Variants in RDX observed in about 807,000 individuals in gnomAD.
RDX encodes the protein radixin.
Under a neutral mutation model 83.7 loss-of-function variants are expected in RDX, and 32 were observed. The ratio of observed to expected loss-of-function variants is 0.38; its 90% CI spans 0.29 to 0.51. The LOEUF (loss-of-function observed/expected upper bound fraction) is 0.51, where lower values mean the gene tolerates loss of function less well. RDX is among the 20% of genes least tolerant of loss of function. The pLI is 0.87. For missense variants in RDX, 600 were observed against 689.9 expected (o/e 0.87, Z 1.46); for synonymous variants, 229 against 222.7 (o/e 1.03, Z -0.25).
intron 15 of RDX, among the ~76,000 whole-genome samples, chr11:110,187,577 G>C (rs1863011996): frequency 6.6e-6 from 1 of 152,184 alleles, no homozygotes; most frequent in African/African-American, 2.4e-5. Context: ...CCCACTCCCT[G>C]TGCAGAGAAC....
intron 10 of RDX, among the ~76,000 whole-genome samples, chr11:110,240,425 T>A (rs1005765208): frequency 6.6e-6 from 1 of 152,138 alleles, no homozygotes; most frequent in Admixed American, 6.6e-5. Flanking sequence ...AATGTATTTA[T>A]TACTACTGAA....
At chr11:110,221,283 T>C (rs1160876519) in intron 14 of RDX, among the ~76,000 whole-genome samples, 1 of 152,044 alleles carries the variant, frequency 6.6e-6, no homozygotes, top group Non-Finnish European at 1.5e-5. Flanking sequence ...AAAATACTTG[T>C]GGTGCAAGAA....
intron 10 of RDX, 39 bp downstream of exon 10, chr11:110,247,664 T>C (rs1447777166): frequency 1.3e-6 from 2 of 1,598,756 alleles, no homozygotes; most frequent in Non-Finnish European, 1.7e-6. Context: ...AACAGAGCAA[T>C]AATAATTTTT....
intron 14 of RDX, among the ~76,000 whole-genome samples, chr11:110,199,953 C>A (rs1265979732): frequency 6.6e-6 from 1 of 152,124 alleles, no homozygotes; most frequent in African/African-American, 2.4e-5. Flanking sequence ...AATAGTGCAG[C>A]AACTCTACAC....
At chr11:110,281,995 A>ATG (rs888011584) in intron 1 of RDX, among the ~76,000 whole-genome samples, 1 of 149,848 alleles carries the variant, frequency 6.7e-6, no homozygotes, top group Admixed American at 6.7e-5. Flanking sequence ...AGGCATGGTG[A>ATG]TGGAAGGAAT....
intron 14 of RDX, among the ~76,000 whole-genome samples, chr11:110,212,129 G>A (rs1210470683): frequency 7.2e-4 from 105 of 145,908 alleles, no homozygotes; most frequent in Admixed American, 1.8e-3. Flanking sequence ...TCAAATAGAC[G>A]CAATAAAAAA....
intron 1 of RDX, among the ~76,000 whole-genome samples, chr11:110,281,467 C>T (rs1169571319): frequency 6.6e-6 from 1 of 152,034 alleles, no homozygotes; most frequent in East Asian, 1.9e-4. Flanking sequence ...GCTGGAATTA[C>T]AAGCGTCCAC....
chr11:110,293,441 A>C (rs1861323521), intron 1 of RDX, among the ~76,000 whole-genome samples: 1 of 152,164 alleles, frequency 6.6e-6, no homozygotes, highest in African/African-American at 2.4e-5. Flanking sequence ...CCAGGAACTT[A>C]AAGTAGGAAA....
At chr11:110,188,607 A>G (rs2134224279) in intron 15 of RDX, among the ~76,000 whole-genome samples, 1 of 152,248 alleles carries the variant, frequency 6.6e-6, no homozygotes, top group African/African-American at 2.4e-5. Context: ...AATCACCACT[A>G]AAGAACTTAT....
intron 2 of RDX, among the ~76,000 whole-genome samples, chr11:110,275,750 A>AG (rs1860487353): frequency 7.3e-6 from 1 of 136,658 alleles, no homozygotes; most frequent in African/African-American, 2.7e-5. Context: ...ATTTATAAAT[A>AG]TTTTACACAC....
At chr11:110,255,265 C>T (rs758670617) in intron 8 of RDX, 24 bp downstream of exon 8, 23 of 1,238,052 alleles carry the variant, frequency 1.9e-5, no homozygotes, top group South Asian at 8.5e-5. Context: ...AGTTAATACA[C>T]AAAATATTAA....
chr11:110,260,927 T>A (rs1487884114), intron 5 of RDX, among the ~76,000 whole-genome samples: 1 of 152,188 alleles, frequency 6.6e-6, no homozygotes, highest in East Asian at 1.9e-4. Context: ...TGCTGTGTTA[T>A]TTTTTTCACA....
At chr11:110,198,415 C>T (rs980078519) in intron 15 of RDX, among the ~76,000 whole-genome samples, 1 of 152,178 alleles carries the variant, frequency 6.6e-6, no homozygotes, top group African/African-American at 2.4e-5. Flanking sequence ...TTTAATTCTT[C>T]TGCTCCAGGA....
chr11:110,270,701 T>C (rs140024475), intron 3 of RDX, among the ~76,000 whole-genome samples: 1 of 152,338 alleles, frequency 6.6e-6, no homozygotes, highest in Non-Finnish European at 1.5e-5. Flanking sequence ...GTGACTCCAG[T>C]GCCCACACTT....
intron 3 of RDX, among the ~76,000 whole-genome samples, chr11:110,266,272 G>A (rs979842678): frequency 6.6e-6 from 1 of 151,996 alleles, no homozygotes; most frequent in African/African-American, 2.4e-5. Context: ...AGCGGAGCTT[G>A]CAGTGAGCCG....
intron 10 of RDX, among the ~76,000 whole-genome samples, chr11:110,240,629 CA>C: frequency 6.6e-6 from 1 of 151,340 alleles, no homozygotes; most frequent in South Asian, 2.1e-4. Context: ...CCTGTAGTCC[CA>C]GCTACTCGGG....
At chr11:110,209,467 C>T (rs1330855697) in intron 14 of RDX, among the ~76,000 whole-genome samples, 1 of 152,176 alleles carries the variant, frequency 6.6e-6, no homozygotes, top group African/African-American at 2.4e-5. Flanking sequence ...CCGGGAAGCT[C>T]GAACTGGGTG....
chr11:110,238,903 C>A (rs759978756), intron 10 of RDX, among the ~76,000 whole-genome samples: 1 of 144,716 alleles, frequency 6.9e-6, no homozygotes, highest in African/African-American at 2.6e-5. Flanking sequence ...CCAGCCTGGG[C>A]GACGGAGCAA....
intron 15 of RDX, among the ~76,000 whole-genome samples, chr11:110,190,350 T>C (rs758547313): frequency 6.6e-6 from 1 of 152,080 alleles, no homozygotes; most frequent in Admixed American, 6.6e-5. Context: ...TGAGGCAGAA[T>C]TGCTTGAACC....
Sources: allele counts gnomAD v4.1 joint callset (sites outside exome capture counted in the v4.1 genomes callset), GRCh38; gene constraint gnomAD v4.1.1; transcripts MANE v1.5; gene names NCBI Gene and HGNC (gene_info 2026-07-23, HGNC 2026-07-21).